The following ATP11B variants were observed in gnomAD, a reference collection of about 807,000 sequenced individuals.
ATP11B encodes phospholipid-transporting ATPase IF.
A neutral mutation model predicts 157.8 loss-of-function variants in ATP11B; 81 were observed. That is an observed-to-expected ratio of 0.51 (90% CI 0.43 to 0.62). The LOEUF is 0.62. Ranked by LOEUF, ATP11B falls within the 20% of genes least tolerant of loss-of-function variation. The probability of loss-of-function intolerance (pLI) is 0.00; values close to 1 mark genes in which losing one functional copy is unlikely to be tolerated. For synonymous variants in ATP11B, 451 were observed against 469.4 expected, an observed-to-expected ratio of 0.96 and a Z score of 0.51; for missense variants, 1,165 against 1,402.2, an observed-to-expected ratio of 0.83 and a Z score of 2.70.
chr3:182,817,646 A>G (rs542587569), intron 1 of ATP11B, among the ~76,000 whole-genome samples: 1 of 152,316 alleles, frequency 6.6e-6, no homozygotes, highest in African/African-American at 2.4e-5. Flanking sequence ...AAATTTTAGT[A>G]TGTGGTCATT....
intron 4 of ATP11B, among the ~76,000 whole-genome samples, chr3:182,835,657 A>G (rs1261366029): frequency 6.6e-6 from 1 of 152,162 alleles, no homozygotes; most frequent in Non-Finnish European, 1.5e-5. Flanking sequence ...AAAGAGATAT[A>G]TGGCTGGAGA....
In ATP11B at chr3:182,885,215, G is replaced by A. The variant is rs978064437; in HGVS notation, c.2655+317G>A. On this transcript the variant is annotated intron_variant, in intron 22 of 29. Coordinates refer to ENST00000323116, the MANE Select transcript of ATP11B (RefSeq NM_014616.3). ...TTTTTATGCCATGAATGACCTTTTA[G>A]TAGTCTAGTGAAATGTGTGAGCTCC... Among the ~76,000 whole-genome samples, 11 of 152,214 alleles carry A rather than the reference G, an allele frequency of 7.2e-5. No individual in the cohort carries two copies. The East Asian group carries it at 9.6e-4, about 13-fold the overall frequency.
At chr3:182,885,902 T>C (rs749158216) in intron 22 of ATP11B, 49 bp from the exon 23 acceptor site, 1 of 1,312,940 alleles carries the variant, frequency 7.6e-7, no homozygotes, top group Non-Finnish European at 1.0e-6. Flanking sequence ...TTATTTTGTC[T>C]TTGAAACCTA....
chr3:182,829,186 G>C (rs1322295714), intron 3 of ATP11B, among the ~76,000 whole-genome samples: 1 of 152,120 alleles, frequency 6.6e-6, no homozygotes, highest in Non-Finnish European at 1.5e-5. Flanking sequence ...CCATGGAATA[G>C]AACAAATTTA....
intron 20 of ATP11B, among the ~76,000 whole-genome samples, chr3:182,880,044 A>T (rs535650728): frequency 6.6e-6 from 1 of 152,350 alleles, no homozygotes; most frequent in South Asian, 2.1e-4. Context: ...TGTTACTTTT[A>T]GCTATAAAGT....
intron 13 of ATP11B, among the ~76,000 whole-genome samples, 197 bp from the exon 14 acceptor site, chr3:182,866,071 C>T (rs1721210476): frequency 6.6e-6 from 1 of 152,126 alleles, no homozygotes; most frequent in Admixed American, 6.6e-5. Context: ...GGTTGTACCT[C>T]CTAAAAAGAT....
chr3:182,847,525 C>T (rs73050656), intron 9 of ATP11B, among the ~76,000 whole-genome samples: 18,485 of 152,108 alleles, frequency 0.12, 1,277 homozygotes, highest in African/African-American at 0.18. Flanking sequence ...TATTTTACCA[C>T]GTTTCTATAA....
chr3:182,848,492 T>C lies in ATP11B; in HGVS notation c.786T>C (p.Thr262=). ...TKEIFGVAVY[T]GMETKMALNY... ...ATTTTACAGGTGTTGCGGTATACAC[T>C]GGAATGGAAACTAAGATGGCATTAA... Residue 262 remains threonine, a synonymous_variant, in exon 10 of 30, where the codon ACT becomes ACC. Transcript: ENST00000323116. 1 of 1,566,546 alleles carries C rather than the reference T, an allele frequency of 6.4e-7. No homozygotes were observed. Among genetic ancestry groups the C allele is most frequent in the Non-Finnish European group, 8.7e-7 (1 of 1,155,172 alleles).
chr3:182,854,734 T>C (rs1720240304), intron 10 of ATP11B, among the ~76,000 whole-genome samples: 2 of 150,040 alleles, frequency 1.3e-5, no homozygotes, highest in African/African-American at 2.5e-5. Context: ...GAGTATATAA[T>C]ATATATGTGC....
rs1279792778 is a variant in ATP11B, at chr3:182,793,791, G to A, written c.27+5G>A. ...CGCTGGATCCGGCAGCAGCTGGTAG[G>A]TGCCCCCGCCCCTCCACCTCCATTC... is the stretch of plus-strand genomic sequence containing the variant. On this transcript the variant is annotated splice_donor_5th_base_variant and intron_variant, in intron 1 of 29. Transcript: ENST00000323116. The A allele has an allele frequency of 1.4e-6, 2 of 1,393,440 alleles. No individual in the cohort carries two copies. The highest frequency in any genetic ancestry group is 1.4e-5 in the South Asian group (1 of 68,998). The allele number at this position is 1,393,440 out of a possible 1,614,324, so 86.3% of individuals were successfully genotyped here.
Position 182,837,125 on chromosome 3 carries a change from A to G in ATP11B, c.607A>G (p.Thr203Ala). The G allele has an allele frequency of 1.9e-6, 3 of 1,613,448 alleles. No individual in the cohort carries two copies. Among genetic ancestry groups the G allele is most frequent in the Non-Finnish European group, 2.5e-6 (3 of 1,179,586 alleles). Residue 203 changes from threonine (T) to alanine (A), a missense_variant, in exon 7 of 30, where the codon ACT becomes GCT. By Grantham distance (58) the Thr-to-Ala change is moderately conservative. This residue lies in a region of ATP11B where 737 missense variants were observed against 930.5 expected (regional missense o/e 0.79). Transcript: ENST00000323116. ...ATTACAAACAGTTGCCAATTTGGAC[A>G]CTCTAGTAGCTGTAATAGAATGCCA... is the stretch of plus-strand genomic sequence containing the variant. ...ALLQTVANLD[T>A]LVAVIECQQP...
At chr3:182,838,407 G>A (rs1435051946) in intron 7 of ATP11B, among the ~76,000 whole-genome samples, 2 of 151,916 alleles carry the variant, frequency 1.3e-5, no homozygotes, top group Non-Finnish European at 2.9e-5. Flanking sequence ...TATAACTAAT[G>A]CTTTGGTGTA....
intron 1 of ATP11B, among the ~76,000 whole-genome samples, chr3:182,805,076 C>T (rs28883372): frequency 0.035 from 5,311 of 152,160 alleles, 319 homozygotes; most frequent in African/African-American, 0.12. Flanking sequence ...AGAAATAACA[C>T]GGCTTTGACC....
At position 182,815,799 on chromosome 3, in the gene ATP11B, T is replaced by G. The variant is rs368171043; in HGVS notation, c.28-4461T>G. Among the ~76,000 whole-genome samples, 233 of 152,330 alleles carry G rather than the reference T, an allele frequency of 1.5e-3. 2 individuals are homozygous for G. Among genetic ancestry groups the G allele is most frequent in the African/African-American group, 5.5e-3 (228 of 41,576 alleles). ...AATTAAATTATTCATAACTATAGTT[T>G]TAGTCTCTTCTTAGCTCTTTTACTT... On this transcript the variant is annotated intron_variant, in intron 1 of 29. Transcript: ENST00000323116.
Position 182,918,130 on chromosome 3 carries a change from C to T in ATP11B, c.*26C>T, listed in dbSNP as rs759228485. 26 of 1,610,358 alleles carry T rather than the reference C, an allele frequency of 1.6e-5. No homozygotes were observed. In the Middle Eastern group the frequency reaches 4.9e-4, roughly 31 times the overall value. On this transcript the variant is annotated 3_prime_UTR_variant, in exon 30 of 30. Coordinates refer to ENST00000323116, the MANE Select transcript of ATP11B (RefSeq NM_014616.3). ...AGGGGCAGTAGTACTTTGTGGGAGC[C>T]AGTTCACCTCCTTTCCTAAAATTCA...
intron 28 of ATP11B, among the ~76,000 whole-genome samples, chr3:182,912,256 G>T (rs750979301): frequency 1.3e-5 from 2 of 152,128 alleles, no homozygotes; most frequent in African/African-American, 4.8e-5. Context: ...TCCTGGTGTT[G>T]CTTAATATTT....
At chr3:182,815,192 A>G (rs1307296050) in intron 1 of ATP11B, among the ~76,000 whole-genome samples, 1 of 152,234 alleles carries the variant, frequency 6.6e-6, no homozygotes, top group Non-Finnish European at 1.5e-5. Flanking sequence ...GACTGGTCTG[A>G]TAGATGGCAA....
chr3:182,896,721 G>A lies in ATP11B; in HGVS notation c.3004G>A (p.Gly1002Ser), dbSNP rs1723575460. ...TTAGATGTTTGGAAACTGGACATTT[G>A]GCACTTTGGTCTTCACAGTCATGGT... Reference protein sequence around the residue: ...NGQMFGNWTFGTLVFTVMVIT... With the variant: ...NGQMFGNWTFSTLVFTVMVIT... The change falls in exon 26 of 30, where the codon GGC becomes AGC. Residue 1002 changes from glycine (G) to serine (S), a missense_variant. By Grantham distance (56) the Gly-to-Ser change is moderately conservative. Around this residue, in one of 4 missense-constraint regions of ATP11B, gnomAD observed 303 missense variants for 296.3 expected, o/e 1.02. Transcript: ENST00000323116. The A allele has an allele frequency of 1.9e-6, 3 of 1,612,898 alleles. No homozygotes were observed. The highest frequency in any genetic ancestry group is 2.5e-6 in the Non-Finnish European group (3 of 1,179,192).
intron 6 of ATP11B, among the ~76,000 whole-genome samples, chr3:182,836,863 A>G (rs998410767): frequency 2.0e-5 from 3 of 152,156 alleles, no homozygotes; most frequent in African/African-American, 2.4e-5. Flanking sequence ...TAATTTCCTT[A>G]TGTGCAAATG....
Sources: allele counts gnomAD v4.1 joint callset (sites outside exome capture counted in the v4.1 genomes callset), GRCh38; gene constraint gnomAD v4.1.1; regional missense constraint gnomAD v4.1.1; transcripts MANE v1.5; gene names NCBI Gene and HGNC (gene_info 2026-07-23, HGNC 2026-07-21).